The following MARCHF3 variants were observed in gnomAD, a reference collection of about 807,000 sequenced individuals.
MARCHF3 encodes E3 ubiquitin-protein ligase MARCHF3.
A neutral mutation model predicts 24.2 loss-of-function variants in MARCHF3; 13 were observed. The ratio of observed to expected loss-of-function variants is 0.54; its 90% CI spans 0.35 to 0.85. The LOEUF (loss-of-function observed/expected upper bound fraction) is 0.85, where lower values mean the gene tolerates loss of function less well. Among genes scored for constraint, MARCHF3 ranks in the 40% least tolerant of loss-of-function variants. The pLI is 0.01. For synonymous variants in MARCHF3, 144 were observed against 137.3 expected (o/e 1.05, Z -0.34); for missense variants, 276 against 325.0 (o/e 0.85, Z 1.16).
chr5:126,884,293 C>G (rs567221660), intron 3 of MARCHF3, among the ~76,000 whole-genome samples: 6 of 151,944 alleles, frequency 3.9e-5, no homozygotes, highest in South Asian at 2.1e-4. Context: ...CACAGTCTGT[C>G]AATGAGTTTC....
chr5:126,891,273 G>A (rs1026029850), intron 3 of MARCHF3, among the ~76,000 whole-genome samples: 7 of 151,210 alleles, frequency 4.6e-5, no homozygotes, highest in African/African-American at 1.7e-4. Context: ...CTTTTGCTGT[G>A]CAGAAGCTCT....
intron 1 of MARCHF3, among the ~76,000 whole-genome samples, chr5:126,974,385 C>G (rs1751123239): frequency 6.6e-6 from 1 of 152,156 alleles, no homozygotes; most frequent in Non-Finnish European, 1.5e-5. Flanking sequence ...AGGCAGAAGC[C>G]TCCCCAGTGT....
At chr5:126,939,108 A>G (rs1196654296) in intron 1 of MARCHF3, among the ~76,000 whole-genome samples, 1 of 152,232 alleles carries the variant, frequency 6.6e-6, no homozygotes, top group African/African-American at 2.4e-5. Context: ...GCACATGTAC[A>G]GATTCCTGTT....
intron 2 of MARCHF3, among the ~76,000 whole-genome samples, chr5:126,916,549 G>T (rs1015599660): frequency 2.6e-5 from 4 of 152,134 alleles, no homozygotes; most frequent in Non-Finnish European, 5.9e-5. Flanking sequence ...GCCCACGAGT[G>T]GGAAAAGAAA....
At chr5:126,951,723 T>C (rs1456099606) in intron 1 of MARCHF3, among the ~76,000 whole-genome samples, 1 of 152,248 alleles carries the variant, frequency 6.6e-6, no homozygotes, top group East Asian at 1.9e-4. Flanking sequence ...GGGTGATGTT[T>C]CATGCATCCA....
At chr5:126,942,040 TAA>T (rs1345894200) in intron 1 of MARCHF3, among the ~76,000 whole-genome samples, 3 of 152,202 alleles carry the variant, frequency 2.0e-5, no homozygotes, top group African/African-American at 7.2e-5. Flanking sequence ...ACAGCTATCT[TAA>T]GAGACTGAAA....
chr5:127,025,054 C>T (rs892693766), intron 1 of MARCHF3, among the ~76,000 whole-genome samples: 4 of 152,108 alleles, frequency 2.6e-5, no homozygotes, highest in East Asian at 1.9e-4. Flanking sequence ...GGTCCAATGA[C>T]GGATTACTCA....
rs1752011821 is a variant in MARCHF3 at position 126,998,316 on chromosome 5, G to A, written c.-57+32034C>T. On this transcript the variant is annotated intron_variant, in intron 1 of 4. Transcript: ENST00000308660. ...GAAAGTGCTGACTTATGGTGGACCA[G>A]AATTCTGCTCTAGTAGCTAAGAATA... Among the ~76,000 whole-genome samples the A allele has an allele frequency of 3.3e-5, 5 of 152,218 alleles. No homozygotes were observed. The South Asian group carries it at 1.0e-3, about 32-fold the overall frequency.
At chr5:126,923,618 A>C (rs1749200070) in intron 1 of MARCHF3, among the ~76,000 whole-genome samples, 1 of 152,230 alleles carries the variant, frequency 6.6e-6, no homozygotes, top group African/African-American at 2.4e-5. Context: ...AAGTGATAAC[A>C]AACTATAGAA....
intron 1 of MARCHF3, among the ~76,000 whole-genome samples, chr5:127,013,173 C>T (rs1752523573): frequency 6.6e-6 from 1 of 152,200 alleles, no homozygotes; most frequent in Admixed American, 6.5e-5. Flanking sequence ...CTCACAGCCA[C>T]TCCCCAAAAT....
intron 1 of MARCHF3, among the ~76,000 whole-genome samples, chr5:126,973,406 C>T (rs1751082230): frequency 6.6e-6 from 1 of 152,212 alleles, no homozygotes; most frequent in African/African-American, 2.4e-5. Context: ...CATGGAATTC[C>T]ACCTCTCTGG....
intron 1 of MARCHF3, among the ~76,000 whole-genome samples, chr5:126,966,071 A>G (rs929478575): frequency 6.6e-6 from 1 of 152,244 alleles, no homozygotes; most frequent in Non-Finnish European, 1.5e-5. Flanking sequence ...ATGCTGACAT[A>G]AAGAAGCTGG....
chr5:126,956,671 A>C (rs1446546655), intron 1 of MARCHF3, among the ~76,000 whole-genome samples: 8 of 143,234 alleles, frequency 5.6e-5, no homozygotes, highest in Non-Finnish European at 9.0e-5. Flanking sequence ...AAAAAAAAAA[A>C]CCAAAAAAAC....
rs1016653938 is a variant in MARCHF3, at chr5:126,971,315, G to C, written c.-56-53088C>G. Among the ~76,000 whole-genome samples the C allele has an allele frequency of 3.3e-5, 5 of 151,794 alleles. No homozygotes were observed. The East Asian group carries it at 7.7e-4, about 23-fold the overall frequency. On this transcript the variant is annotated intron_variant, in intron 1 of 4. Transcript: ENST00000308660. ...ATACAAAAAATTAGCCGGGCGTGGT[G>C]GTGGGCACCTGTGGTCCCAGCTGCT...
intron 1 of MARCHF3, among the ~76,000 whole-genome samples, chr5:126,937,908 A>C (rs974075473): frequency 6.6e-6 from 1 of 152,236 alleles, no homozygotes; most frequent in Non-Finnish European, 1.5e-5. Context: ...TTTCCTAATA[A>C]CACTGAGTAG....
At chr5:126,889,443 T>C (rs889116301) in intron 3 of MARCHF3, among the ~76,000 whole-genome samples, 1 of 152,072 alleles carries the variant, frequency 6.6e-6, no homozygotes, top group Non-Finnish European at 1.5e-5. Context: ...CATATCTGTG[T>C]CCCTCAGGTG....
intron 4 of MARCHF3, among the ~76,000 whole-genome samples, chr5:126,876,444 A>G (rs1753156765): frequency 6.6e-6 from 1 of 152,230 alleles, no homozygotes; most frequent in Admixed American, 6.5e-5. Context: ...CAGGATGGGC[A>G]TTACCACTAT....
intron 1 of MARCHF3, among the ~76,000 whole-genome samples, chr5:127,020,014 G>A (rs1257431751): frequency 6.6e-6 from 1 of 152,128 alleles, no homozygotes; most frequent in African/African-American, 2.4e-5. Flanking sequence ...ACCCAGAAAA[G>A]CCCAAGGGGA....
At chr5:126,905,848 C>T (rs1403488228) in intron 3 of MARCHF3, among the ~76,000 whole-genome samples, 1 of 152,096 alleles carries the variant, frequency 6.6e-6, no homozygotes, top group Non-Finnish European at 1.5e-5. Context: ...ACTTTCAACA[C>T]TATGTTGAAT....
Sources: allele counts gnomAD v4.1 joint callset (sites outside exome capture counted in the v4.1 genomes callset), GRCh38; gene constraint gnomAD v4.1.1; transcripts MANE v1.5; gene names NCBI Gene and HGNC (gene_info 2026-07-23, HGNC 2026-07-21).